Variants in NCALD observed in about 807,000 individuals in gnomAD.
NCALD encodes neurocalcin delta, also known as neurocalcin-delta.
Under a neutral mutation model 18.6 loss-of-function variants are expected in NCALD, and 10 were observed. That is an observed-to-expected ratio of 0.54 (90% CI 0.33 to 0.91). NCALD has a LOEUF of 0.91. Among genes scored for constraint, NCALD ranks in the 40% least tolerant of loss-of-function variants. The pLI is 0.03. For missense variants in NCALD, 184 were observed against 247.6 expected (o/e 0.74, Z 1.72); for synonymous variants, 88 against 87.4 (o/e 1.01, Z -0.04).
chr8:101,969,963 G>C (rs1053832029), intron 2 of NCALD, among the ~76,000 whole-genome samples: 1 of 152,098 alleles, frequency 6.6e-6, no homozygotes, highest in Non-Finnish European at 1.5e-5. Flanking sequence ...ACAGATAATA[G>C]AGCATACATC....
rs1052701715 is a variant in NCALD, at chr8:102,023,719, G to T, written c.-209-3430C>A. On this transcript the variant is annotated intron_variant, in intron 1 of 6. Coordinates refer to the NCALD transcript ENST00000311028. ...TTTCCAGTTCCGAGACCAAGGATTTGCCATAGAAAAATGAAGTAAAGAAGG... is the reference window on the plus strand; with the variant it reads ...TTTCCAGTTCCGAGACCAAGGATTTTCCATAGAAAAATGAAGTAAAGAAGG... Among the ~76,000 whole-genome samples the T allele has an allele frequency of 2.6e-5, 4 of 152,296 alleles. No individual in the cohort carries two copies. The South Asian group carries it at 8.3e-4, about 32-fold the overall frequency.
At position 101,972,318 on chromosome 8, in the gene NCALD, T is replaced by C. The variant is rs142981084; in HGVS notation, c.-157+47919A>G. Among the ~76,000 whole-genome samples the C allele has an allele frequency of 1.8e-4, 27 of 152,328 alleles. 1 individual carries two copies. The highest frequency in any genetic ancestry group is 5.5e-4 in the African/African-American group (23 of 41,570). On this transcript the variant is annotated intron_variant, in intron 2 of 6. Coordinates refer to the NCALD transcript ENST00000311028. ...CTCTGGACGGGCCACTCATAGGCTA[T>C]ACCACTATGCACATCTCAGCTTCCT...
intron 4 of NCALD, among the ~76,000 whole-genome samples, chr8:101,845,691 C>A (rs1286707553): frequency 6.6e-6 from 1 of 152,194 alleles, no homozygotes; most frequent in African/African-American, 2.4e-5. Context: ...TCCAAATCTT[C>A]TCTTCTAGCT....
At chr8:101,843,582 G>GTTTTTTTTTTTTTTTTTT (rs369393213) in intron 4 of NCALD, among the ~76,000 whole-genome samples, 2 of 125,140 alleles carry the variant, frequency 1.6e-5, no homozygotes, top group Non-Finnish European at 1.6e-5. Context: ...TTTAAAAATT[G>GTTTTTTTTTTTTTTTTTT]TTTTTTTTTT....
At chr8:101,830,068 T>C (rs1814109901) in intron 4 of NCALD, among the ~76,000 whole-genome samples, 1 of 148,080 alleles carries the variant, frequency 6.8e-6, no homozygotes, top group South Asian at 2.2e-4. Context: ...CTGTTGAGAA[T>C]CTTATGTTTT....
chr8:101,922,686 A>G (rs1302746514), intron 2 of NCALD, among the ~76,000 whole-genome samples: 3 of 152,220 alleles, frequency 2.0e-5, no homozygotes, highest in Non-Finnish European at 4.4e-5. Context: ...GTTGTGCCCT[A>G]TTATCCACAG....
At chr8:101,940,868 A>T (rs1419826273) in intron 2 of NCALD, among the ~76,000 whole-genome samples, 2 of 152,232 alleles carry the variant, frequency 1.3e-5, no homozygotes, top group Non-Finnish European at 2.9e-5. Flanking sequence ...ACACATTTAG[A>T]TGGCTCCACA....
chr8:101,911,420 C>A (rs1269461077), intron 3 of NCALD, among the ~76,000 whole-genome samples: 1 of 149,410 alleles, frequency 6.7e-6, no homozygotes, highest in Non-Finnish European at 1.5e-5. Context: ...TGCAATGGCG[C>A]GATCTCGGCT....
chr8:101,900,704 T>C (rs1817388934), intron 3 of NCALD, among the ~76,000 whole-genome samples: 1 of 152,072 alleles, frequency 6.6e-6, no homozygotes, highest in Admixed American at 6.5e-5. Context: ...GATTTGATTA[T>C]AGCCAGAGAA....
chr8:101,751,954 C>T (rs1444715369), intron 1 of NCALD, among the ~76,000 whole-genome samples: 1 of 152,132 alleles, frequency 6.6e-6, no homozygotes, highest in Non-Finnish European at 1.5e-5. Context: ...TCAGGCATTT[C>T]CAGAAAAAGA....
chr8:101,868,917 TC>T (rs1815890407), intron 4 of NCALD, among the ~76,000 whole-genome samples: 1 of 152,232 alleles, frequency 6.6e-6, no homozygotes, highest in South Asian at 2.1e-4. Context: ...TTTGTCTAAT[TC>T]TTTGTTCAAA....
intron 1 of NCALD, among the ~76,000 whole-genome samples, chr8:102,110,439 T>G (rs1043275218): frequency 1.3e-5 from 2 of 152,168 alleles, no homozygotes; most frequent in East Asian, 3.9e-4. Flanking sequence ...CTGTAATTAT[T>G]AGAAAGCACT....
intron 2 of NCALD, among the ~76,000 whole-genome samples, chr8:101,701,540 AC>A (rs921609095): frequency 2.6e-5 from 4 of 152,136 alleles, no homozygotes; most frequent in African/African-American, 9.7e-5. Flanking sequence ...CTTGTGGTCT[AC>A]ATATATTTAT....
chr8:101,962,419 A>G (rs998685043), intron 2 of NCALD, among the ~76,000 whole-genome samples: 1 of 152,204 alleles, frequency 6.6e-6, no homozygotes, highest in African/African-American at 2.4e-5. Context: ...AAGCCATTCA[A>G]GCCAATCTGG....
chr8:102,019,484 A>C (rs1235418131), intron 2 of NCALD, among the ~76,000 whole-genome samples: 1 of 152,182 alleles, frequency 6.6e-6, no homozygotes, highest in African/African-American at 2.4e-5. Context: ...ACTCAAGAAG[A>C]AATAGAAAAC....
At chr8:101,808,274 A>G (rs1813181585) in intron 4 of NCALD, among the ~76,000 whole-genome samples, 1 of 152,166 alleles carries the variant, frequency 6.6e-6, no homozygotes, top group African/African-American at 2.4e-5. Context: ...GCTCTCCATT[A>G]CAAAATGTCA....
intron 4 of NCALD, among the ~76,000 whole-genome samples, chr8:101,867,250 A>C (rs1017987386): frequency 2.6e-5 from 4 of 152,060 alleles, no homozygotes; most frequent in Non-Finnish European, 4.4e-5. Flanking sequence ...CCCTACCTTC[A>C]ATTTTCCTAG....
Position 101,896,420 on chromosome 8 carries a change from A to T in NCALD, c.-106-9193T>A, listed in dbSNP as rs1299530706. Among the ~76,000 whole-genome samples, 3 of 152,130 alleles carry T rather than the reference A, an allele frequency of 2.0e-5. No homozygotes were observed. The East Asian group carries it at 5.8e-4, about 29-fold the overall frequency. On this transcript the variant is annotated intron_variant, in intron 3 of 6. Coordinates refer to the NCALD transcript ENST00000311028. ...CTAAAACCATAAAAACCCTAGAAGA[A>T]AACCTAGGCATTGCCATTCAGGACA...
At chr8:101,869,857 T>C (rs1815932736) in intron 4 of NCALD, among the ~76,000 whole-genome samples, 1 of 152,174 alleles carries the variant, frequency 6.6e-6, no homozygotes, top group African/African-American at 2.4e-5. Flanking sequence ...CAGGAGTGTG[T>C]TACAAAGAAT....
Sources: allele counts gnomAD v4.1 joint callset (sites outside exome capture counted in the v4.1 genomes callset), GRCh38; gene constraint gnomAD v4.1.1; transcripts MANE v1.5; gene names NCBI Gene and HGNC (gene_info 2026-07-23, HGNC 2026-07-21).